The following NRG3 variants were observed in gnomAD, a reference collection of about 807,000 sequenced individuals.
The protein encoded by NRG3 is neuregulin 3.
In NRG3, 31 loss-of-function variants were observed where a neutral mutation model predicts 66.9. That is an observed-to-expected ratio of 0.46 (90% CI 0.35 to 0.63). The LOEUF (loss-of-function observed/expected upper bound fraction) is 0.63. Ranked by LOEUF, NRG3 falls within the 20% of genes least tolerant of loss-of-function variation. NRG3 has a pLI of 0.00. For missense variants in NRG3, 910 were observed against 878.9 expected (o/e 1.04, Z -0.45); for synonymous variants, 393 against 359.4 (o/e 1.09, Z -1.06).
chr10:82,048,085 C>G (rs1358700916), intron 1 of NRG3, among the ~76,000 whole-genome samples: 1 of 151,274 alleles, frequency 6.6e-6, no homozygotes, highest in South Asian at 2.1e-4. Context: ...ACAGGAGCAC[C>G]CAGTTTCATA....
intron 1 of NRG3, among the ~76,000 whole-genome samples, chr10:82,058,388 C>T (rs762739104): frequency 2.0e-5 from 3 of 151,656 alleles, no homozygotes; most frequent in African/African-American, 4.8e-5. Context: ...AAATTGTCTC[C>T]GTCGATACCA....
At chr10:82,211,413 G>A (rs929229554) in intron 1 of NRG3, among the ~76,000 whole-genome samples, 2 of 152,138 alleles carry the variant, frequency 1.3e-5, no homozygotes, top group African/African-American at 4.8e-5. Context: ...GATGGTTGAG[G>A]TGTTGTCTTC....
chr10:82,366,946 AT>A (rs1178408790), intron 2 of NRG3, among the ~76,000 whole-genome samples: 2 of 152,182 alleles, frequency 1.3e-5, no homozygotes, highest in Non-Finnish European at 2.9e-5. Flanking sequence ...TAAAAGGAAC[AT>A]TTTTTAAACG....
intron 1 of NRG3, among the ~76,000 whole-genome samples, chr10:82,304,431 T>C (rs1368829310): frequency 2.0e-5 from 3 of 152,236 alleles, no homozygotes; most frequent in African/African-American, 7.2e-5. Flanking sequence ...TTTTCCAGTT[T>C]ATCATTTGTC....
At chr10:82,515,889 C>A (rs1590429559) in intron 2 of NRG3, among the ~76,000 whole-genome samples, 1 of 152,190 alleles carries the variant, frequency 6.6e-6, no homozygotes, top group Non-Finnish European at 1.5e-5. Context: ...TTTTTTAATC[C>A]TCTCTTATTC....
chr10:82,748,480 A>T (rs1050866960), intron 3 of NRG3, among the ~76,000 whole-genome samples: 1 of 151,586 alleles, frequency 6.6e-6, no homozygotes, highest in Non-Finnish European at 1.5e-5. Context: ...ACTTAACTAC[A>T]TAGGCTTAAA....
chr10:82,610,841 C>G (rs947468241), intron 2 of NRG3, among the ~76,000 whole-genome samples: 6 of 152,108 alleles, frequency 3.9e-5, no homozygotes, highest in Non-Finnish European at 8.8e-5. Context: ...TTGCTTTACT[C>G]TAAACTGAGA....
chr10:81,929,428 C>T (rs1167006620), intron 1 of NRG3, among the ~76,000 whole-genome samples: 2 of 152,220 alleles, frequency 1.3e-5, no homozygotes, highest in African/African-American at 4.8e-5. Flanking sequence ...TTTGTAGCTT[C>T]CATACCATGC....
chr10:82,210,937 A>AG (rs1564667436), intron 1 of NRG3, among the ~76,000 whole-genome samples: 1 of 151,486 alleles, frequency 6.6e-6, no homozygotes. Context: ...AAAAAAAAAA[A>AG]GGCTGCATAT....
At chr10:82,377,637 C>T (rs190738372) in intron 2 of NRG3, among the ~76,000 whole-genome samples, 373 of 152,106 alleles carry the variant, frequency 2.5e-3, no homozygotes, top group African/African-American at 8.1e-3. Context: ...GAAGGGACAC[C>T]AAGAGCACAA....
intron 1 of NRG3, among the ~76,000 whole-genome samples, chr10:82,110,141 C>T (rs2067300542): frequency 6.6e-6 from 1 of 152,050 alleles, no homozygotes; most frequent in Non-Finnish European, 1.5e-5. Flanking sequence ...ATTGGAATAC[C>T]AGGGCCAGGA....
chr10:82,459,450 G>T (rs200192133), intron 2 of NRG3, among the ~76,000 whole-genome samples: 1 of 152,148 alleles, frequency 6.6e-6, no homozygotes, highest in Non-Finnish European at 1.5e-5. Context: ...AGCAACTATT[G>T]CATGTTAAAT....
chr10:82,315,667 GTTTT>G (rs754250306), intron 1 of NRG3, among the ~76,000 whole-genome samples: 1 of 136,358 alleles, frequency 7.3e-6, no homozygotes, highest in Admixed American at 7.3e-5. Context: ...TACGTTTGTT[GTTTT>G]TTTTTTTTTT....
At chr10:81,948,798 A>G (rs1360438943) in intron 1 of NRG3, among the ~76,000 whole-genome samples, 1 of 152,220 alleles carries the variant, frequency 6.6e-6, no homozygotes, top group African/African-American at 2.4e-5. Flanking sequence ...GCAAATTGCA[A>G]ATATGAGAAT....
chr10:82,551,339 T>A (rs548475792), intron 2 of NRG3, among the ~76,000 whole-genome samples: 1 of 152,078 alleles, frequency 6.6e-6, no homozygotes, highest in African/African-American at 2.4e-5. Flanking sequence ...TTAAAAAAAA[T>A]CTCCTGACAT....
intron 2 of NRG3, among the ~76,000 whole-genome samples, chr10:82,736,818 A>T (rs1335627): frequency 0.59 from 90,318 of 152,098 alleles, 27,182 homozygotes; most frequent in East Asian, 0.64. Context: ...TATTCCTCTT[A>T]TATTAAATAA....
intron 2 of NRG3, among the ~76,000 whole-genome samples, chr10:82,363,831 C>G (rs1260520528): frequency 6.6e-6 from 1 of 152,046 alleles, no homozygotes; most frequent in Non-Finnish European, 1.5e-5. Flanking sequence ...AAATTTTTAA[C>G]AAGTATGAAT....
rs959876310 is a variant in NRG3 at position 82,695,217 on chromosome 10, G to A, written c.954-43360G>A. 6.6e-5 allele frequency among the ~76,000 whole-genome samples: 10 copies of A among 151,984 alleles called. No homozygotes were observed. The East Asian group carries it at 1.7e-3, about 26-fold the overall frequency. On this transcript the variant is annotated intron_variant, in intron 2 of 8. Coordinates refer to ENST00000372141, the MANE Select transcript of NRG3 (RefSeq NM_001010848.4). The stretch of plus-strand genomic sequence containing the variant: ...TATGTATTTAAAATATATATTTAAC[G>A]TAATTCTACCATCTGACCTAGTAAT...
At chr10:82,032,986 A>G (rs906997631) in intron 1 of NRG3, among the ~76,000 whole-genome samples, 1 of 152,136 alleles carries the variant, frequency 6.6e-6, no homozygotes, top group African/African-American at 2.4e-5. Flanking sequence ...GCTGATATAA[A>G]ATGAACACAT....
Sources: gnomAD v4.1 joint callset for allele counts (sites outside exome capture counted in the v4.1 genomes callset) on GRCh38, gnomAD v4.1.1 for gene constraint, MANE v1.5 for transcripts, NCBI Gene and HGNC (gene_info 2026-07-23, HGNC 2026-07-21) for gene names.